The following SV2C variants were observed in gnomAD, a reference collection of about 807,000 sequenced individuals.
SV2C encodes the protein synaptic vesicle glycoprotein 2C.
In SV2C, 49 loss-of-function variants were observed where a neutral mutation model predicts 79.7. That is an observed-to-expected ratio of 0.61 (90% CI 0.49 to 0.78). SV2C has a LOEUF of 0.78. Among genes scored for constraint, SV2C ranks in the 30% least tolerant of loss-of-function variants. SV2C has a pLI of 0.00. For missense variants in SV2C, 833 were observed against 912.9 expected (o/e 0.91, Z 1.13); for synonymous variants, 334 against 333.2 (o/e 1.00, Z -0.03).
At chr5:76,285,545 T>C (rs1747326775) in intron 5 of SV2C, 1 of 636,234 alleles carries the variant, frequency 1.6e-6, no homozygotes. Context: ...ACATGATTTA[T>C]TGTTTTATAG....
At chr5:76,085,323 C>T (rs1048602062) in intron 1 of SV2C, among the ~76,000 whole-genome samples, 1 of 152,144 alleles carries the variant, frequency 6.6e-6, no homozygotes, top group African/African-American at 2.4e-5. Context: ...AACAATATGC[C>T]GCATTCCTCT....
At chr5:75,882,578 C>T in the SV2C span, among the ~76,000 whole-genome samples, 3 of 152,016 alleles carry the variant, frequency 2.0e-5, no homozygotes, top group African/African-American at 7.3e-5. Flanking sequence ...CAGAGCAGAG[C>T]CCTCAGAAAT....
the SV2C span, among the ~76,000 whole-genome samples, chr5:75,900,742 C>G: frequency 3.3e-5 from 5 of 152,198 alleles, no homozygotes; most frequent in African/African-American, 9.6e-5. Context: ...TAGATTTGGT[C>G]TTTTCACATA....
intron 9 of SV2C, among the ~76,000 whole-genome samples, chr5:76,298,296 G>T (rs1016374254): frequency 2.0e-5 from 3 of 151,474 alleles, no homozygotes; most frequent in African/African-American, 7.3e-5. Flanking sequence ...CTCTCTTCAG[G>T]ATAATTACAG....
At chr5:75,997,405 C>G in the SV2C span, among the ~76,000 whole-genome samples, 5 of 115,768 alleles carry the variant, frequency 4.3e-5, no homozygotes, top group African/African-American at 7.2e-5. Flanking sequence ...GAACAGGCAA[C>G]CTACAGAATG....
intron 4 of SV2C, among the ~76,000 whole-genome samples, chr5:76,235,844 A>T (rs1261268229): frequency 6.6e-6 from 1 of 152,140 alleles, no homozygotes; most frequent in Non-Finnish European, 1.5e-5. Context: ...ACAGCTGAGC[A>T]TGACTCTTTT....
At chr5:75,918,469 G>C in the SV2C span, among the ~76,000 whole-genome samples, 4 of 152,338 alleles carry the variant, frequency 2.6e-5, no homozygotes, top group South Asian at 8.3e-4. Context: ...CTTCGTGAAA[G>C]ATGTAGGCTC....
At chr5:76,103,058 T>G (rs1257020353) in intron 1 of SV2C, among the ~76,000 whole-genome samples, 3 of 152,156 alleles carry the variant, frequency 2.0e-5, no homozygotes, top group Non-Finnish European at 4.4e-5. Context: ...TCTGTTAGAG[T>G]ATCAGTCCAT....
chr5:76,315,445 G>A (rs1006169250), intron 12 of SV2C, among the ~76,000 whole-genome samples: 4 of 152,160 alleles, frequency 2.6e-5, no homozygotes, highest in Non-Finnish European at 4.4e-5. Flanking sequence ...AAATCTGTTA[G>A]CTCAGTCTTT....
the SV2C span, among the ~76,000 whole-genome samples, chr5:76,060,875 G>T: frequency 6.6e-6 from 1 of 151,968 alleles, no homozygotes; most frequent in African/African-American, 2.4e-5. Flanking sequence ...TCAAGTGAAA[G>T]GTGTGCAACT....
At chr5:76,269,127 T>A (rs1453952434) in intron 4 of SV2C, among the ~76,000 whole-genome samples, 1 of 152,198 alleles carries the variant, frequency 6.6e-6, no homozygotes, top group African/African-American at 2.4e-5. Flanking sequence ...ACTTCTTGTT[T>A]GAAGGTGGTG....
chr5:75,882,844 T>A, the SV2C span, among the ~76,000 whole-genome samples: 4 of 147,842 alleles, frequency 2.7e-5, no homozygotes, highest in East Asian at 2.0e-4. Context: ...ACAAATGGGA[T>A]CTAATTAAAC....
intron 8 of SV2C, among the ~76,000 whole-genome samples, chr5:76,294,304 CTTT>C (rs70979391): frequency 8.5e-5 from 11 of 129,506 alleles, no homozygotes; most frequent in East Asian, 2.3e-4. Context: ...TTCTCTCTCT[CTTT>C]TTTTTTTTTT....
the SV2C span, among the ~76,000 whole-genome samples, chr5:75,865,770 A>C: frequency 2.0e-5 from 3 of 152,228 alleles, no homozygotes; most frequent in Non-Finnish European, 4.4e-5. Flanking sequence ...CGTTAATGCC[A>C]CGTAGAACGT....
intron 12 of SV2C, among the ~76,000 whole-genome samples, chr5:76,309,057 T>C (rs1748313128): frequency 6.6e-6 from 1 of 151,994 alleles, no homozygotes; most frequent in African/African-American, 2.4e-5. Flanking sequence ...TTAATTGAGA[T>C]CTAGTAGGTG....
chr5:76,082,968 G>A (rs996756304), upstream of SV2C, among the ~76,000 whole-genome samples: 1 of 152,196 alleles, frequency 6.6e-6, no homozygotes, highest in Non-Finnish European at 1.5e-5. Flanking sequence ...ACTCCCTCGC[G>A]TCTCACGCTG....
At chr5:76,159,901 T>G (rs1742847426) in intron 2 of SV2C, among the ~76,000 whole-genome samples, 1 of 152,014 alleles carries the variant, frequency 6.6e-6, no homozygotes, top group Admixed American at 6.6e-5. Flanking sequence ...AATTAATTAC[T>G]AAAATTAATT....
At chr5:76,186,311 C>G (rs1743915784) in intron 2 of SV2C, among the ~76,000 whole-genome samples, 1 of 152,180 alleles carries the variant, frequency 6.6e-6, no homozygotes. Flanking sequence ...ATCTTTAGAG[C>G]AGTGCTTCAC....
intron 3 of SV2C, among the ~76,000 whole-genome samples, chr5:76,199,215 A>G (rs891844673): frequency 1.3e-5 from 2 of 152,216 alleles, no homozygotes; most frequent in Non-Finnish European, 2.9e-5. Context: ...GAGACCTTAA[A>G]TAAAAGACCA....
Sources: allele counts gnomAD v4.1 joint callset (sites outside exome capture counted in the v4.1 genomes callset), GRCh38; gene constraint gnomAD v4.1.1; transcripts MANE v1.5; gene names NCBI Gene and HGNC (gene_info 2026-07-23, HGNC 2026-07-21).